Variants in PTPRN2 observed in about 807,000 individuals in gnomAD.
PTPRN2 encodes protein tyrosine phosphatase receptor type N2.
Under a neutral mutation model 118.8 loss-of-function variants are expected in PTPRN2, and 74 were observed. That is an observed-to-expected ratio of 0.62 (90% CI 0.52 to 0.76). The LOEUF (loss-of-function observed/expected upper bound fraction) is 0.76. PTPRN2 is among the 30% of genes least tolerant of loss of function. The probability of loss-of-function intolerance (pLI) is 0.00; values close to 1 mark genes in which losing one functional copy is unlikely to be tolerated. For missense variants in PTPRN2, 1,481 were observed against 1,394.4 expected (o/e 1.06, Z -0.99); for synonymous variants, 641 against 608.0 (o/e 1.05, Z -0.80).
intron 2 of PTPRN2, among the ~76,000 whole-genome samples, chr7:158,374,626 A>G (rs1476054227): frequency 4.6e-5 from 7 of 152,216 alleles, no homozygotes; most frequent in African/African-American, 1.7e-4. Context: ...CATCCACTCA[A>G]TGGAACTCCC....
At chr7:157,658,969 G>T (rs1016992607) in intron 13 of PTPRN2, among the ~76,000 whole-genome samples, 2 of 151,858 alleles carry the variant, frequency 1.3e-5, no homozygotes. Flanking sequence ...AATCGCCAAA[G>T]CTCAGGAAAC....
intron 12 of PTPRN2, among the ~76,000 whole-genome samples, chr7:157,796,990 G>A (rs951516348): frequency 6.6e-6 from 1 of 152,148 alleles, no homozygotes; most frequent in Non-Finnish European, 1.5e-5. Context: ...GATCTGCCTC[G>A]AGTTCCGACT....
intron 2 of PTPRN2, among the ~76,000 whole-genome samples, chr7:158,340,017 TCA>T (rs1395879508): frequency 2.6e-5 from 2 of 77,576 alleles, no homozygotes; most frequent in African/African-American, 4.9e-5. Flanking sequence ...ACCCACACTC[TCA>T]CTATAAGAGG....
At chr7:158,037,903 C>T (rs1335432350) in intron 11 of PTPRN2, among the ~76,000 whole-genome samples, 1 of 152,212 alleles carries the variant, frequency 6.6e-6, no homozygotes, top group East Asian at 1.9e-4. Context: ...CTCTGTACCA[C>T]AGCAGGTGAG....
Position 157,583,324 on chromosome 7 carries a change from G to A in PTPRN2, c.2497-5184C>T, listed in dbSNP as rs1800492741. Reference sequence around the variant, plus strand: ...GCTGCCAGGGCCTGGGGCTGAGGGTGGAATGGGGAGCAATTGATCCAAAGG... The same window carrying A: ...GCTGCCAGGGCCTGGGGCTGAGGGTAGAATGGGGAGCAATTGATCCAAAGG... On this transcript the variant is annotated intron_variant, in intron 17 of 22. Transcript: ENST00000389418. The surrounding 1 kb of genome is among the most constrained non-coding windows in gnomAD (Gnocchi z 5.5). Among the ~76,000 whole-genome samples, 1 of 152,088 alleles carries A rather than the reference G, an allele frequency of 6.6e-6. No individual in the cohort carries two copies. Among genetic ancestry groups the A allele is most frequent in the African/African-American group, 2.4e-5 (1 of 41,430 alleles).
At chr7:158,052,608 C>T (rs1035351025) in intron 11 of PTPRN2, among the ~76,000 whole-genome samples, 6 of 151,064 alleles carry the variant, frequency 4.0e-5, no homozygotes, top group Admixed American at 2.0e-4. Flanking sequence ...TAGAGGGGTG[C>T]GGCCACTAAT....
chr7:157,682,643 G>A (rs1055523830), intron 13 of PTPRN2, 82 bp downstream of exon 13: 5 of 1,363,036 alleles, frequency 3.7e-6, no homozygotes, highest in Non-Finnish European at 5.2e-6. Context: ...TGGGAATGGA[G>A]GAGGGGCCAG....
chr7:158,159,491 T>C (rs1822168584), intron 6 of PTPRN2, among the ~76,000 whole-genome samples: 1 of 152,172 alleles, frequency 6.6e-6, no homozygotes, highest in Admixed American at 6.5e-5. Context: ...AAGTCAGTCG[T>C]CATGATGTGA....
chr7:158,433,363 G>A (rs967896454), intron 2 of PTPRN2, among the ~76,000 whole-genome samples: 2 of 152,246 alleles, frequency 1.3e-5, no homozygotes, highest in African/African-American at 2.4e-5. Context: ...CCACAGATAC[G>A]AACCAAGCTG....
In PTPRN2 at chr7:157,585,128, G is replaced by A. The variant is rs1800605422; in HGVS notation, c.2497-6988C>T. 6.6e-6 allele frequency among the ~76,000 whole-genome samples: 1 copy of A among 152,186 alleles called. No homozygotes were observed. The highest frequency in any genetic ancestry group is 1.5e-5 in the Non-Finnish European group (1 of 68,034). On this transcript the variant is annotated intron_variant, in intron 17 of 22. Coordinates refer to ENST00000389418, the MANE Select transcript of PTPRN2 (RefSeq NM_002847.5). This position sits in a 1 kb window ranked among gnomAD's most constrained non-coding sequence, Gnocchi z 5.2. ...GACGTAGCCCACACACACGTCAGCA[G>A]TGCTGATGGAAAGGCTGATGAGGGG...
rs1244306610 is a variant in PTPRN2 at position 158,440,632 on chromosome 7, GTGA to G, written c.163+49100_163+49102del. Among the ~76,000 whole-genome samples, 61 of 146,794 alleles carry G rather than the reference GTGA, an allele frequency of 4.2e-4. 1 individual carries two copies. Among genetic ancestry groups the G allele is most frequent in the South Asian group, 4.4e-4 (2 of 4,532 alleles). On this transcript the variant is annotated intron_variant, in intron 2 of 22. Transcript: ENST00000389418. ...AATACTGGTGATGGAGGTGGTCGTG[GTGA>G]TGATGGTGGCAGTAGTGATGGTGGT...
At chr7:158,310,891 G>A (rs926493496) in intron 3 of PTPRN2, among the ~76,000 whole-genome samples, 3 of 152,144 alleles carry the variant, frequency 2.0e-5, no homozygotes, top group East Asian at 3.9e-4. Context: ...CGAGTCACAC[G>A]GAGGGTGAGC....
chr7:157,730,887 TTCTC>T (rs1233826910), intron 12 of PTPRN2, among the ~76,000 whole-genome samples: 1 of 152,058 alleles, frequency 6.6e-6, no homozygotes, highest in Admixed American at 6.5e-5. Flanking sequence ...CTTCCGCTTG[TTCTC>T]TCTCTCATTC....
intron 12 of PTPRN2, among the ~76,000 whole-genome samples, chr7:157,771,255 G>A (rs1240569268): frequency 6.6e-6 from 1 of 152,236 alleles, no homozygotes; most frequent in Non-Finnish European, 1.5e-5. Flanking sequence ...GCTGATGCCA[G>A]TGGAGCAGAA....
rs77513660 is a variant in PTPRN2 at position 157,870,060 on chromosome 7, G to A, written c.1788+28613C>T. ...TCCTCTCCTGTTGCAATTCTTCAAG[G>A]AAATGCTTCAGGATCTTGATTCCGC... is the stretch of plus-strand genomic sequence containing the variant. On this transcript the variant is annotated intron_variant, in intron 12 of 22. Coordinates refer to ENST00000389418, the MANE Select transcript of PTPRN2 (RefSeq NM_002847.5). Among the ~76,000 whole-genome samples, 1,105 of 152,212 alleles carry A rather than the reference G, an allele frequency of 7.3e-3. 55 individuals carry two copies. The East Asian group carries it at 0.13, about 18-fold the overall frequency.
chr7:158,153,850 G>A (rs1254160138), intron 6 of PTPRN2, among the ~76,000 whole-genome samples: 2 of 151,174 alleles, frequency 1.3e-5, no homozygotes, highest in Non-Finnish European at 2.9e-5. Context: ...TGGTCGGGGG[G>A]ACAGAGAGCA....
chr7:157,734,999 C>G lies in PTPRN2; in HGVS notation c.1789-52062G>C, dbSNP rs546906568. ...CCTCGATGCAGGAGTCCCATCTCCC[C>G]AAACAAATTCTGGCTGTGATGCCAA... On this transcript the variant is annotated intron_variant, in intron 12 of 22. Transcript: ENST00000389418. 3.9e-4 allele frequency among the ~76,000 whole-genome samples: 60 copies of G among 152,364 alleles called. No homozygotes were observed. In the South Asian group the frequency reaches 0.01, roughly 26 times the overall value.
rs1807593028 is a variant in PTPRN2, at chr7:157,831,895, AG to A, written c.1788+66777del. Among the ~76,000 whole-genome samples the A allele has an allele frequency of 6.6e-6, 1 of 152,126 alleles. No individual in the cohort carries two copies. Among genetic ancestry groups the A allele is most frequent in the Non-Finnish European group, 1.5e-5 (1 of 68,020 alleles). On this transcript the variant is annotated intron_variant, in intron 12 of 22. Transcript: ENST00000389418. The surrounding 1 kb of genome is among the most constrained non-coding windows in gnomAD (Gnocchi z 4.8). ...TTCATAGCCATCCTTAAGCTGGGGGAGGGCAGTTATGGAGCTCCAGAGCGGG... is the reference window on the plus strand; with the variant it reads ...TTCATAGCCATCCTTAAGCTGGGGGAGGCAGTTATGGAGCTCCAGAGCGGG...
At chr7:158,054,124 G>C (rs192127113) in intron 11 of PTPRN2, among the ~76,000 whole-genome samples, 1 of 152,126 alleles carries the variant, frequency 6.6e-6, no homozygotes, top group East Asian at 1.9e-4. Flanking sequence ...GAGATGCAGA[G>C]ACCCTAGAGA....
Sources: allele counts gnomAD v4.1 joint callset (sites outside exome capture counted in the v4.1 genomes callset), GRCh38; gene constraint gnomAD v4.1.1; non-coding constraint Gnocchi (gnomAD v3.1); transcripts MANE v1.5; gene names NCBI Gene and HGNC (gene_info 2026-07-23, HGNC 2026-07-21).